The following TENM3 variants were observed in gnomAD, a reference collection of about 807,000 sequenced individuals.
The protein encoded by TENM3 is teneurin-3.
A neutral mutation model predicts 255.1 loss-of-function variants in TENM3; 63 were observed. That is an observed-to-expected ratio of 0.25 (90% CI 0.20 to 0.30). The LOEUF is 0.30. TENM3 is among the 10% of genes least tolerant of loss of function. The pLI is 1.00. For synonymous variants in TENM3, 1,306 were observed against 1,322.3 expected (o/e 0.99, Z 0.27); for missense variants, 2,929 against 3,461.1 (o/e 0.85, Z 3.86).
chr4:182,032,627 G>A, the TENM3 span, among the ~76,000 whole-genome samples: 2 of 152,246 alleles, frequency 1.3e-5, no homozygotes, highest in East Asian at 3.9e-4. Flanking sequence ...AGAGGAAATG[G>A]TACCAGCTCC....
intron 3 of TENM3, among the ~76,000 whole-genome samples, chr4:182,476,570 G>A (rs2124984): frequency 0.06 from 9,184 of 152,180 alleles, 412 homozygotes; most frequent in African/African-American, 0.12. Context: ...ATACATGTGT[G>A]TATATGTATC....
At chr4:182,371,959 G>A (rs1301242308) in intron 3 of TENM3, among the ~76,000 whole-genome samples, 1 of 152,164 alleles carries the variant, frequency 6.6e-6, no homozygotes, top group Non-Finnish European at 1.5e-5. Context: ...GTGAGTTAAT[G>A]AAAGGCTGTT....
chr4:182,000,359 A>C, the TENM3 span, among the ~76,000 whole-genome samples: 1 of 152,014 alleles, frequency 6.6e-6, no homozygotes, highest in Non-Finnish European at 1.5e-5. Context: ...CTTGATCACC[A>C]CAGCCCTTCT....
intron 13 of TENM3, among the ~76,000 whole-genome samples, chr4:182,728,017 C>T (rs1021065839): frequency 1.3e-5 from 2 of 151,832 alleles, no homozygotes; most frequent in African/African-American, 4.8e-5. Flanking sequence ...CCTGTCACCC[C>T]GCCTGGCTAA....
In TENM3 at chr4:182,594,383, C is replaced by CT. The variant is rs201127258; in HGVS notation, c.512-6540dup. Among the ~76,000 whole-genome samples, 761 of 152,104 alleles carry CT rather than the reference C, an allele frequency of 5.0e-3. 6 individuals are homozygous for CT. Among genetic ancestry groups the CT allele is most frequent in the African/African-American group, 0.018 (733 of 41,476 alleles). Reference sequence around the variant, plus strand: ...TCTCTACAAAAAATTTAAAAATTAGCTGGGCATGGTGGCACACATCTGTCC... The same window carrying CT: ...TCTCTACAAAAAATTTAAAAATTAGCTTGGGCATGGTGGCACACATCTGTCC... On this transcript the variant is annotated intron_variant, in intron 3 of 27. Transcript: ENST00000511685.
At chr4:181,879,116 G>C in the TENM3 span, among the ~76,000 whole-genome samples, 1 of 152,182 alleles carries the variant, frequency 6.6e-6, no homozygotes, top group Non-Finnish European at 1.5e-5. Context: ...GCATAGAAGA[G>C]CAAGACTGTT....
the TENM3 span, among the ~76,000 whole-genome samples, chr4:181,469,245 A>G: frequency 7.4e-4 from 113 of 152,256 alleles, no homozygotes; most frequent in Non-Finnish European, 1.4e-3. Context: ...AATAAACTGC[A>G]TTACAGTTTT....
chr4:182,274,614 C>T (rs1759869686), intron 1 of TENM3, among the ~76,000 whole-genome samples: 1 of 152,044 alleles, frequency 6.6e-6, no homozygotes, highest in African/African-American at 2.4e-5. Context: ...GCATCCTGGG[C>T]GTGGATGCTG....
At chr4:182,354,276 G>A (rs570475440) in intron 3 of TENM3, among the ~76,000 whole-genome samples, 25 of 152,276 alleles carry the variant, frequency 1.6e-4, no homozygotes, top group Admixed American at 6.5e-4. Flanking sequence ...AAATTAAAGT[G>A]AAGCATGCTA....
the TENM3 span, among the ~76,000 whole-genome samples, chr4:181,922,416 GT>G: frequency 1.3e-5 from 2 of 152,154 alleles, no homozygotes; most frequent in African/African-American, 2.4e-5. Context: ...TTCAGAGCCT[GT>G]TATTGGTCTA....
At position 182,801,506 on chromosome 4, in the gene TENM3, A is replaced by C. The variant is rs143737524; in HGVS notation, c.*1155A>C. ...TGCAAGTCAATGGGGAGTTGTTGAT[A>C]TAATTAACCCCGAGGTTTTTACTGT... On this transcript the variant is annotated 3_prime_UTR_variant, in exon 28 of 28. Transcript: ENST00000511685. The C allele has an allele frequency of 6.6e-6, 1 of 152,200 alleles. No homozygotes were observed. Among genetic ancestry groups the C allele is most frequent in the East Asian group, 1.9e-4 (1 of 5,204 alleles). 9.4% of individuals were successfully genotyped at this position (152,200 alleles called of 1,614,324 possible).
intron 3 of TENM3, among the ~76,000 whole-genome samples, chr4:182,556,420 A>G (rs1301502827): frequency 6.6e-6 from 1 of 152,234 alleles, no homozygotes; most frequent in African/African-American, 2.4e-5. Flanking sequence ...AGTTTATTGC[A>G]TTACAAACTC....
the TENM3 span, among the ~76,000 whole-genome samples, chr4:181,919,042 C>T: frequency 6.6e-6 from 1 of 152,150 alleles, no homozygotes; most frequent in Non-Finnish European, 1.5e-5. Context: ...GCCATAGGTG[C>T]CAAACCACCT....
chr4:182,292,036 CT>C (rs1761164413), intron 1 of TENM3, among the ~76,000 whole-genome samples: 1 of 152,182 alleles, frequency 6.6e-6, no homozygotes, highest in African/African-American at 2.4e-5. Context: ...TTATGCTCGT[CT>C]TTTTTCCTTT....
chr4:182,597,592 TC>T, intron 3 of TENM3, among the ~76,000 whole-genome samples: 1 of 152,308 alleles, frequency 6.6e-6, no homozygotes. Context: ...AGATTTGTGT[TC>T]CTCTTTAAAA....
chr4:181,692,562 T>C, the TENM3 span, among the ~76,000 whole-genome samples: 7 of 152,364 alleles, frequency 4.6e-5, no homozygotes, highest in South Asian at 8.3e-4. Flanking sequence ...ATTGCTCTTA[T>C]TGGGTATAAA....
chr4:181,753,995 G>A, the TENM3 span, among the ~76,000 whole-genome samples: 1 of 152,032 alleles, frequency 6.6e-6, no homozygotes, highest in Admixed American at 6.6e-5. Flanking sequence ...AATGATGTGG[G>A]GAAAGAAGCA....
intron 1 of TENM3, among the ~76,000 whole-genome samples, chr4:182,147,582 C>G (rs991671825): frequency 2.0e-5 from 3 of 152,128 alleles, no homozygotes; most frequent in African/African-American, 7.2e-5. Flanking sequence ...TTTCTGGAAG[C>G]TGTGCAACCT....
the TENM3 span, among the ~76,000 whole-genome samples, chr4:181,618,898 C>A: frequency 6.6e-6 from 1 of 152,158 alleles, no homozygotes; most frequent in African/African-American, 2.4e-5. Flanking sequence ...GAATTCAGAG[C>A]AAAACAAGAC....
Sources: allele counts gnomAD v4.1 joint callset (sites outside exome capture counted in the v4.1 genomes callset), GRCh38; gene constraint gnomAD v4.1.1; transcripts MANE v1.5; gene names NCBI Gene and HGNC (gene_info 2026-07-23, HGNC 2026-07-21).